Variants in FOCAD observed in about 807,000 individuals in gnomAD.
The protein encoded by FOCAD is focadhesin, also known as KIAA1797.
Under a neutral mutation model 225.6 loss-of-function variants are expected in FOCAD, and 198 were observed. The observed-to-expected ratio is 0.88, with a 90% CI of 0.78 to 0.99. The LOEUF is 0.99. FOCAD is among the 50% of genes least tolerant of loss of function. The probability of loss-of-function intolerance (pLI) is 0.00; values close to 1 mark genes in which losing one functional copy is unlikely to be tolerated. For missense variants in FOCAD, 2,713 were observed against 2,123.6 expected (o/e 1.28, Z -5.46); for synonymous variants, 897 against 755.0 (o/e 1.19, Z -3.08).
chr9:20,714,318 C>T (rs1367893821), intron 1 of FOCAD, among the ~76,000 whole-genome samples: 6 of 152,090 alleles, frequency 3.9e-5, no homozygotes, highest in African/African-American at 1.4e-4. Context: ...GCTCAACCTG[C>T]AGTTAGAAAA....
At chr9:20,718,480 G>T (rs1825515173) in intron 3 of FOCAD, among the ~76,000 whole-genome samples, 1 of 152,146 alleles carries the variant, frequency 6.6e-6, no homozygotes, top group South Asian at 2.1e-4. Context: ...TCCTCTATAG[G>T]GAACATAAGT....
intron 35 of FOCAD, among the ~76,000 whole-genome samples, chr9:20,975,175 A>T (rs976116538): frequency 1.3e-5 from 2 of 151,976 alleles, no homozygotes; most frequent in African/African-American, 4.8e-5. Context: ...CTACATTTTA[A>T]TGTGTTATAC....
At chr9:20,880,840 T>C (rs186132354) in intron 19 of FOCAD, among the ~76,000 whole-genome samples, 103 of 152,368 alleles carry the variant, frequency 6.8e-4, no homozygotes, top group Non-Finnish European at 1.2e-3. Context: ...CATTTTCCGC[T>C]ACATATGATT....
chr9:20,964,499 T>A (rs1305601683), intron 35 of FOCAD, among the ~76,000 whole-genome samples: 18 of 152,148 alleles, frequency 1.2e-4, no homozygotes, highest in Admixed American at 1.2e-3. Flanking sequence ...CACCAATTAC[T>A]GGTAGCATAG....
At chr9:20,949,486 A>G (rs1198499309) in intron 32 of FOCAD, 118 bp from the exon 33 acceptor site, 6 of 737,026 alleles carry the variant, frequency 8.1e-6, no homozygotes, top group Non-Finnish European at 1.4e-5. Context: ...TTGAAATAGA[A>G]GGACATAATG....
chr9:20,714,848 C>G (rs938312036), intron 1 of FOCAD, among the ~76,000 whole-genome samples: 10 of 152,110 alleles, frequency 6.6e-5, no homozygotes, highest in Admixed American at 3.3e-4. Context: ...TAGGTCTTTT[C>G]TATACTTCTT....
intron 28 of FOCAD, among the ~76,000 whole-genome samples, chr9:20,935,338 C>T (rs1464718179): frequency 6.6e-6 from 1 of 152,188 alleles, no homozygotes; most frequent in Non-Finnish European, 1.5e-5. Flanking sequence ...TTACGTTTAT[C>T]ATACAAGGCA....
At chr9:20,976,379 T>G (rs1471736434) in intron 35 of FOCAD, 41 bp from the exon 36 acceptor site, 4 of 1,596,958 alleles carry the variant, frequency 2.5e-6, no homozygotes, top group Non-Finnish European at 3.4e-6. Context: ...TCCATGATAG[T>G]ATGCAGGTGT....
At chr9:20,926,731 C>G (rs1834986203) in intron 26 of FOCAD, among the ~76,000 whole-genome samples, 1 of 148,080 alleles carries the variant, frequency 6.8e-6, no homozygotes, top group South Asian at 2.1e-4. Context: ...AATGGTGAGC[C>G]AAGATCGCGC....
At chr9:20,802,351 A>G (rs527520727) in intron 11 of FOCAD, among the ~76,000 whole-genome samples, 3 of 152,270 alleles carry the variant, frequency 2.0e-5, no homozygotes, top group African/African-American at 7.2e-5. Context: ...CAGTAAAGCT[A>G]AATAAGAGAA....
At chr9:20,706,114 T>C (rs1483974249) in intron 1 of FOCAD, among the ~76,000 whole-genome samples, 3 of 151,850 alleles carry the variant, frequency 2.0e-5, no homozygotes, top group South Asian at 2.1e-4. Context: ...TTTAAACTTT[T>C]TGTAGAGATG....
intron 26 of FOCAD, among the ~76,000 whole-genome samples, chr9:20,926,783 CAAAAAA>C (rs34902651): frequency 8.0e-4 from 89 of 110,950 alleles, no homozygotes; most frequent in African/African-American, 2.8e-3. Context: ...AACTGTGTCT[CAAAAAA>C]AAAAAAAAGA....
chr9:20,789,748 C>A, intron 11 of FOCAD, 140 bp downstream of exon 11: 1 of 1,028,272 alleles, frequency 9.7e-7, no homozygotes, highest in Non-Finnish European at 1.4e-6. Context: ...CTATCTTTAT[C>A]CTTCCATTTT....
At position 20,946,744 on chromosome 9, in the gene FOCAD, G is replaced by C. The variant is rs751295588; in HGVS notation, c.3599G>C (p.Ser1200Thr). ...TLSCVCTSAF[S>T]AGIIEATEAE... ...AGCTGTGTATGTACATCAGCGTTCAGTGCTGGAATTATTGAGGCTACAGAG... is the reference window on the plus strand; with the variant it reads ...AGCTGTGTATGTACATCAGCGTTCACTGCTGGAATTATTGAGGCTACAGAG... Residue 1200 changes from serine (S) to threonine (T), a missense_variant, in exon 30 of 44, where the codon AGT (serine) becomes ACT (threonine). Coordinates refer to ENST00000338382, the MANE Select transcript of FOCAD (RefSeq NM_001375567.1). 2.5e-6 allele frequency: 4 copies of C among 1,613,824 alleles called. No individual in the cohort carries two copies. In the South Asian group the frequency reaches 3.3e-5, roughly 13 times the overall value.
chr9:20,751,911 A>C (rs956476454), intron 5 of FOCAD, among the ~76,000 whole-genome samples: 3 of 144,700 alleles, frequency 2.1e-5, no homozygotes, highest in African/African-American at 7.6e-5. Context: ...AGGGCCAGTG[A>C]TGGTGAGCAT....
Position 20,933,066 on chromosome 9 carries a change from C to G in FOCAD, c.3370C>G (p.Leu1124Val). ...TCTTCTGATGAAGTCGTTGGATGCC[C>G]TGGAAAATTGCTGCTTTGACACTAG... ...NLLLMKSLDA[L>V]ENCCFDTSLE... The change falls in exon 28 of 44, where the codon CTG (leucine) becomes GTG (valine). Residue 1124 changes from leucine to valine, a missense_variant. Coordinates refer to ENST00000338382, the MANE Select transcript of FOCAD (RefSeq NM_001375567.1). 6.2e-7 allele frequency: 1 copy of G among 1,614,000 alleles called. No individual in the cohort carries two copies. The highest frequency in any genetic ancestry group is 8.5e-7 in the Non-Finnish European group (1 of 1,179,916).
chr9:20,816,944 T>TA (rs1253772381), intron 11 of FOCAD, among the ~76,000 whole-genome samples: 1 of 152,182 alleles, frequency 6.6e-6, no homozygotes, highest in Non-Finnish European at 1.5e-5. Flanking sequence ...TGTATACAAA[T>TA]ACCTATGCCA....
At chr9:20,667,967 T>C (rs1821943854) in intron 2 of FOCAD, among the ~76,000 whole-genome samples, 1 of 152,232 alleles carries the variant, frequency 6.6e-6, no homozygotes, top group Non-Finnish European at 1.5e-5. Context: ...AGAAAAGGTT[T>C]AAGCGTGTTT....
intron 2 of FOCAD, chr9:20,716,306 C>G (rs528557309): frequency 6.8e-4 from 154 of 227,572 alleles, no homozygotes; most frequent in Non-Finnish European, 1.1e-3. Flanking sequence ...TCAAGAAATG[C>G]CCATACGTGT....
Sources: allele counts gnomAD v4.1 joint callset (sites outside exome capture counted in the v4.1 genomes callset), GRCh38; gene constraint gnomAD v4.1.1; transcripts MANE v1.5; gene names NCBI Gene and HGNC (gene_info 2026-07-23, HGNC 2026-07-21).